Variants in SLC35F5 observed in about 807,000 individuals in gnomAD.
The protein encoded by SLC35F5 is HCV NS5A-transactivated protein 3.
SLC35F5 carries 54 observed loss-of-function variants against 68.6 expected under a neutral mutation model. The ratio of observed to expected loss-of-function variants is 0.79; its 90% CI spans 0.63 to 0.99. SLC35F5 has a LOEUF of 0.99. Ranked by LOEUF, SLC35F5 falls within the 50% of genes least tolerant of loss-of-function variation. SLC35F5 has a pLI of 0.00. For missense variants in SLC35F5, 567 were observed against 626.9 expected, an observed-to-expected ratio of 0.90 and a Z score of 1.02; for synonymous variants, 211 against 205.2, an observed-to-expected ratio of 1.03 and a Z score of -0.24.
At position 113,719,263 on chromosome 2, in the gene SLC35F5, A is replaced by G; in HGVS notation, c.1387T>C (p.Phe463Leu). ...AGGAGAGTTACAATAAAAAATGAAA[A>G]AAATACAGGGATAGCTCCTGCAAAA... ...LFFAGAIPVF[F>L]SFFIVTLLCH... The change falls in exon 14 of 16, where the codon TTT becomes CTT. Residue 463 changes from phenylalanine (F) to leucine (L), a missense_variant. Phe to Leu is a conservative substitution (Grantham distance 22, BLOSUM62 0). Coordinates refer to ENST00000245680, the MANE Select transcript of SLC35F5 (RefSeq NM_025181.5). The G allele has an allele frequency of 1.9e-6, 3 of 1,597,230 alleles. No homozygotes were observed. The highest frequency in any genetic ancestry group is 2.5e-6 in the Non-Finnish European group (3 of 1,177,272).
intron 10 of SLC35F5, among the ~76,000 whole-genome samples, chr2:113,731,359 CTG>C (rs1024774249): frequency 2.0e-5 from 3 of 152,190 alleles, no homozygotes; most frequent in Admixed American, 6.6e-5. Flanking sequence ...ATTTTTATAA[CTG>C]TATAATATTT....
At position 113,729,423 on chromosome 2, in the gene SLC35F5, C is replaced by G; in HGVS notation, c.1068G>C (p.Lys356Asn). Residue 356 changes from lysine (K) to asparagine (N), a missense_variant, in exon 11 of 16, where the codon AAG becomes AAC. Coordinates refer to ENST00000245680, the MANE Select transcript of SLC35F5 (RefSeq NM_025181.5). ...MIKRKVDRED[K>N]LDIPMFFGFV... ...TACCAAAGAACATTGGAATATCCAA[C>G]TTGTCTTCTCTATCTACTTTTCTCT... The G allele has an allele frequency of 6.4e-7, 1 of 1,566,084 alleles. No individual in the cohort carries two copies. Among genetic ancestry groups the G allele is most frequent in the Non-Finnish European group, 8.7e-7 (1 of 1,146,092 alleles).
At chr2:113,734,791 T>C in intron 8 of SLC35F5, 118 bp from the exon 9 acceptor site, 1 of 632,304 alleles carries the variant, frequency 1.6e-6, no homozygotes, top group Non-Finnish European at 2.8e-6. Context: ...ATTATTTTTG[T>C]CACTCTTAAC....
At chr2:113,704,711 C>G (rs1474598808), downstream of SLC35F5, among the ~76,000 whole-genome samples, 3 of 151,996 alleles carry the variant, frequency 2.0e-5, no homozygotes. Flanking sequence ...GCGGGGCCCG[C>G]CGAGCCCACA....
rs914275708 is a variant in SLC35F5 at position 113,711,998 on chromosome 2, T to A, written c.*3220A>T. On this transcript the variant is annotated 3_prime_UTR_variant, in exon 16 of 16. Transcript: ENST00000245680. ...CTTGGCTTCCAGAGAAGTCATACCT[T>A]GCATACCCTGGAGTCATACCTCAAA... 6.6e-6 allele frequency among the ~76,000 whole-genome samples: 1 copy of A among 152,218 alleles called. No individual in the cohort carries two copies. Among genetic ancestry groups the A allele is most frequent in the Non-Finnish European group, 1.5e-5 (1 of 68,046 alleles).
At chr2:113,704,536 C>T (rs1686760914), downstream of SLC35F5, among the ~76,000 whole-genome samples, 1 of 152,106 alleles carries the variant, frequency 6.6e-6, no homozygotes, top group Admixed American at 6.5e-5. Flanking sequence ...GCTGCAGGTC[C>T]CGAGCCCTGC....
Position 113,756,353 on chromosome 2 carries a change from CT to C in SLC35F5, c.40+16del, listed in dbSNP as rs959814684. 3.8e-6 allele frequency: 6 copies of C among 1,569,016 alleles called. No homozygotes were observed. Among genetic ancestry groups the C allele is most frequent in the Non-Finnish European group, 5.2e-6 (6 of 1,157,840 alleles). ...TTTGGGCTCCGGTGATGTCGGGGCC[CT>C]TCCCTGCCTGCCTACCTGGCCTTCC... On this transcript the variant is annotated intron_variant, in intron 1 of 15. Coordinates refer to ENST00000245680, the MANE Select transcript of SLC35F5 (RefSeq NM_025181.5).
At chr2:113,755,850 T>C in intron 1 of SLC35F5, 1 of 1,550,272 alleles carries the variant, frequency 6.5e-7, no homozygotes, top group South Asian at 1.2e-5. Context: ...CGGAACTCCA[T>C]TCACCTCTCC....
chr2:113,735,093 T>A (rs1481292606), intron 8 of SLC35F5, among the ~76,000 whole-genome samples: 1 of 152,198 alleles, frequency 6.6e-6, no homozygotes, highest in Non-Finnish European at 1.5e-5. Flanking sequence ...CAAATTATAG[T>A]TCTGAAATAA....
chr2:113,702,848 T>G (rs1328886414), downstream of SLC35F5, among the ~76,000 whole-genome samples: 2 of 152,022 alleles, frequency 1.3e-5, no homozygotes, highest in Non-Finnish European at 2.9e-5. Flanking sequence ...GTGGCTCACA[T>G]CTGTAATCCT....
rs2104501689 is a variant in SLC35F5 at position 113,756,169 on chromosome 2, A to G, written c.40+201T>C. 3 of 1,456,340 alleles carry G rather than the reference A, an allele frequency of 2.1e-6. No homozygotes were observed. In the South Asian group the frequency reaches 4.3e-5, roughly 21 times the overall value. The allele number at this position is 1,456,340 out of a possible 1,614,324, so 90.2% of individuals were successfully genotyped here. Reference sequence around the variant, plus strand: ...CCCCGGGGAGCCGAGGCGAGGGCGCACGCACGGCTTCCTCAATTGCCAGCG... The same window carrying G: ...CCCCGGGGAGCCGAGGCGAGGGCGCGCGCACGGCTTCCTCAATTGCCAGCG... On this transcript the variant is annotated intron_variant, in intron 1 of 15. Transcript: ENST00000245680.
chr2:113,726,071 C>A (rs923234203), intron 11 of SLC35F5, among the ~76,000 whole-genome samples: 1 of 152,172 alleles, frequency 6.6e-6, no homozygotes, highest in African/African-American at 2.4e-5. Context: ...ACACAAAGAG[C>A]TATTCAACGT....
At chr2:113,742,910 T>G in intron 6 of SLC35F5, 31 bp from the exon 7 acceptor site, 1 of 1,572,672 alleles carries the variant, frequency 6.4e-7, no homozygotes, top group Non-Finnish European at 8.7e-7. Context: ...ATGAAATAAT[T>G]AAATAATTCC....
In SLC35F5 at chr2:113,755,192, T is replaced by C; in HGVS notation, c.246A>G (p.Ile82Met). Residue 82 changes from isoleucine to methionine, a missense_variant, in exon 3 of 16, where the codon ATA (isoleucine) becomes ATG (methionine). By Grantham distance (10) the Ile-to-Met change is conservative (BLOSUM62 1). Coordinates refer to ENST00000245680, the MANE Select transcript of SLC35F5 (RefSeq NM_025181.5). The part of the protein sequence containing the change: ...GIVILLLVDV[I>M]WVASSELTSY... ...AAGTAAGTTCAGAGGAAGCAACCCA[T>C]ATCACATCAACAAGCAGAAGAATAA... is the stretch of plus-strand genomic sequence containing the variant. 4 of 1,614,038 alleles carry C rather than the reference T, an allele frequency of 2.5e-6. No individual in the cohort carries two copies. The highest frequency in any genetic ancestry group is 2.2e-5 in the East Asian group (1 of 44,872).
At chr2:113,750,213 G>A (rs754119576) in intron 4 of SLC35F5, among the ~76,000 whole-genome samples, 10 of 152,078 alleles carry the variant, frequency 6.6e-5, no homozygotes, top group Non-Finnish European at 1.3e-4. Context: ...AAATGTCATG[G>A]AGTAAGAGTT....
Position 113,755,389 on chromosome 2 carries a change from A to G in SLC35F5, c.131+65T>C, listed in dbSNP as rs1240924829. ...AAATGAGAACATTAGTATAACAGAA[A>G]CATTTGACTTTTGTTAGCTAATGTT... On this transcript the variant is annotated intron_variant, in intron 2 of 15. Transcript: ENST00000245680. The G allele has an allele frequency of 1.4e-5, 23 of 1,604,000 alleles. No individual in the cohort carries two copies. The South Asian group carries it at 1.7e-4, about 12-fold the overall frequency.
At chr2:113,720,844 T>C (rs1344335373) in intron 13 of SLC35F5, among the ~76,000 whole-genome samples, 3 of 152,196 alleles carry the variant, frequency 2.0e-5, no homozygotes, top group African/African-American at 4.8e-5. Flanking sequence ...TAGAAGACTT[T>C]AGAAGGCAAG....
At chr2:113,725,282 G>T (rs1222965459) in intron 12 of SLC35F5, 96 bp downstream of exon 12, 2 of 1,113,810 alleles carry the variant, frequency 1.8e-6, no homozygotes, top group African/African-American at 1.6e-5. Flanking sequence ...AGAATGGGGT[G>T]CACAGGAAGG....
Position 113,756,234 on chromosome 2 carries a change from C to T in SLC35F5, c.40+136G>A, listed in dbSNP as rs547000484. On this transcript the variant is annotated intron_variant, in intron 1 of 15. Coordinates refer to ENST00000245680, the MANE Select transcript of SLC35F5 (RefSeq NM_025181.5). ...CCGGCGCCCCTGTCAGCTCCCGCTC[C>T]CTCCGCCCCTAGAGACCTTCACGGT... 4.5e-5 allele frequency: 69 copies of T among 1,527,100 alleles called. No homozygotes were observed. In the African/African-American group the frequency reaches 6.3e-4, roughly 14 times the overall value. The allele number at this position is 1,527,100 out of a possible 1,614,324, so 94.6% of individuals were successfully genotyped here.
Sources: allele counts gnomAD v4.1 joint callset (sites outside exome capture counted in the v4.1 genomes callset), GRCh38; gene constraint gnomAD v4.1.1; transcripts MANE v1.5; gene names NCBI Gene and HGNC (gene_info 2026-07-23, HGNC 2026-07-21).